The following DSCAM variants were observed in gnomAD, a reference collection of about 807,000 sequenced individuals.
DSCAM encodes the protein DS cell adhesion molecule, also known as cell adhesion molecule DSCAM.
In DSCAM, 47 loss-of-function variants were observed where a neutral mutation model predicts 217.7. That is an observed-to-expected ratio of 0.22 (90% CI 0.17 to 0.28). The LOEUF (loss-of-function observed/expected upper bound fraction) is 0.28. Among genes scored for constraint, DSCAM ranks in the 10% least tolerant of loss-of-function variants. The pLI is 1.00. For synonymous variants in DSCAM, 1,056 were observed against 1,015.3 expected (o/e 1.04, Z -0.76); for missense variants, 2,080 against 2,618.3 (o/e 0.79, Z 4.49).
intron 32 of DSCAM, among the ~76,000 whole-genome samples, chr21:40,039,954 A>G (rs1421534940): frequency 6.6e-6 from 1 of 152,240 alleles, no homozygotes; most frequent in Non-Finnish European, 1.5e-5. Context: ...TGAAGAGGGC[A>G]TATAGGGAAA....
At chr21:40,121,906 G>T (rs111570726) in intron 20 of DSCAM, among the ~76,000 whole-genome samples, 21,186 of 151,794 alleles carry the variant, frequency 0.14, 1,802 homozygotes, top group African/African-American at 0.23. Context: ...GGCCAGGCTG[G>T]TCTCAAACTC....
intron 24 of DSCAM, among the ~76,000 whole-genome samples, chr21:40,080,915 C>A (rs781333874): frequency 1.1e-4 from 16 of 152,210 alleles, no homozygotes; most frequent in Non-Finnish European, 2.4e-4. Flanking sequence ...CATTCCCCCA[C>A]ATGAGCACTA....
intron 3 of DSCAM, among the ~76,000 whole-genome samples, chr21:40,393,323 G>A (rs2075150636): frequency 6.6e-6 from 1 of 152,152 alleles, no homozygotes; most frequent in Admixed American, 6.5e-5. Flanking sequence ...ACAGCTCCAC[G>A]AACAGGGAAT....
intron 16 of DSCAM, among the ~76,000 whole-genome samples, chr21:40,156,098 G>A (rs986004888): frequency 1.3e-5 from 2 of 150,912 alleles, no homozygotes; most frequent in Admixed American, 6.6e-5. Flanking sequence ...ATAAATTAAA[G>A]AATAACTAAG....
At chr21:40,552,552 CTA>C (rs2076639041) in intron 3 of DSCAM, among the ~76,000 whole-genome samples, 2 of 152,212 alleles carry the variant, frequency 1.3e-5, no homozygotes, top group Admixed American at 1.3e-4. Flanking sequence ...CTGAAATCTT[CTA>C]TGTGTTAGAA....
intron 1 of DSCAM, among the ~76,000 whole-genome samples, chr21:40,823,126 G>A (rs929134107): frequency 9.2e-5 from 14 of 151,810 alleles, no homozygotes; most frequent in Non-Finnish European, 1.6e-4. Flanking sequence ...CTCCAGCCAG[G>A]GTGACAAAGC....
At chr21:40,332,548 C>T (rs1021844366) in intron 8 of DSCAM, among the ~76,000 whole-genome samples, 4 of 151,896 alleles carry the variant, frequency 2.6e-5, no homozygotes, top group African/African-American at 9.7e-5. Context: ...AGTGTTGATC[C>T]CCAGCAATTA....
chr21:40,571,291 G>A (rs939114838), intron 3 of DSCAM, among the ~76,000 whole-genome samples: 1 of 151,954 alleles, frequency 6.6e-6, no homozygotes, highest in Non-Finnish European at 1.5e-5. Flanking sequence ...AAAAGCTATA[G>A]AAGAGAGCAA....
intron 8 of DSCAM, among the ~76,000 whole-genome samples, chr21:40,331,352 C>G (rs1196846187): frequency 6.6e-6 from 1 of 152,128 alleles, no homozygotes; most frequent in Admixed American, 6.6e-5. Context: ...ACATTTGTTC[C>G]CAGCCTTTGA....
At chr21:40,359,391 T>G (rs1353139136) in intron 4 of DSCAM, among the ~76,000 whole-genome samples, 1 of 152,224 alleles carries the variant, frequency 6.6e-6, no homozygotes, top group Admixed American at 6.5e-5. Flanking sequence ...TGTGGTATAC[T>G]TGCCAAATAA....
intron 3 of DSCAM, among the ~76,000 whole-genome samples, chr21:40,610,478 G>A (rs752727087): frequency 3.5e-4 from 54 of 152,174 alleles, no homozygotes; most frequent in Non-Finnish European, 6.2e-4. Context: ...CAGAGTAGAA[G>A]CGGCTTCCAG....
chr21:40,837,361 C>A (rs2092065523), intron 1 of DSCAM, among the ~76,000 whole-genome samples: 1 of 152,122 alleles, frequency 6.6e-6, no homozygotes, highest in East Asian at 1.9e-4. Flanking sequence ...GATGTGAGAT[C>A]CCCCAAGACA....
chr21:40,837,098 G>A (rs145960271), intron 1 of DSCAM, among the ~76,000 whole-genome samples: 1 of 152,372 alleles, frequency 6.6e-6, no homozygotes, highest in Non-Finnish European at 1.5e-5. Context: ...TCAGCTTGAA[G>A]TGTCAACAGA....
chr21:40,362,467 T>C (rs1262105872), intron 4 of DSCAM, among the ~76,000 whole-genome samples: 1 of 152,208 alleles, frequency 6.6e-6, no homozygotes, highest in Non-Finnish European at 1.5e-5. Context: ...CACTTCACAT[T>C]GCTTCCACAA....
At chr21:40,658,808 G>A (rs553541194) in intron 3 of DSCAM, among the ~76,000 whole-genome samples, 1 of 152,222 alleles carries the variant, frequency 6.6e-6, no homozygotes, top group East Asian at 1.9e-4. Flanking sequence ...CTCTTATTAT[G>A]TACTTGTAAT....
chr21:40,780,762 G>C (rs1386139469), intron 1 of DSCAM, among the ~76,000 whole-genome samples: 3 of 151,982 alleles, frequency 2.0e-5, no homozygotes, highest in Admixed American at 1.3e-4. Context: ...GTCCAGCTTC[G>C]CTGACACCTT....
rs969395740 is a variant in DSCAM at position 40,132,778 on chromosome 21, G to A, written c.3562+1076C>T. Among the ~76,000 whole-genome samples the A allele has an allele frequency of 1.1e-4, 17 of 152,204 alleles. 1 individual carries two copies. Among genetic ancestry groups the A allele is most frequent in the Admixed American group, 1.1e-3 (17 of 15,270 alleles). ...TCAGGGGCAGAAAGGCTGAAGAGAAGAGCGTATCATGGCCCCTGAGCAGGT... is the reference window on the plus strand; with the variant it reads ...TCAGGGGCAGAAAGGCTGAAGAGAAAAGCGTATCATGGCCCCTGAGCAGGT... On this transcript the variant is annotated intron_variant, in intron 19 of 32. Transcript: ENST00000400454.
At position 40,737,342 on chromosome 21, in the gene DSCAM, TA is replaced by T. The variant is rs537995478; in HGVS notation, c.44-28572del. Among the ~76,000 whole-genome samples, 1,054 of 152,248 alleles carry T rather than the reference TA, an allele frequency of 6.9e-3. 15 individuals are homozygous for T. Among genetic ancestry groups the T allele is most frequent in the African/African-American group, 0.024 (1,005 of 41,550 alleles). On this transcript the variant is annotated intron_variant, in intron 1 of 32. Coordinates refer to ENST00000400454, the MANE Select transcript of DSCAM (RefSeq NM_001389.5). Reference sequence around the variant, plus strand: ...CCCAGTTACTGGAGAGGTTTGCTTTTAAAAACTCAGCAACCGGCCGGACAGT... The same window carrying T: ...CCCAGTTACTGGAGAGGTTTGCTTTTAAAACTCAGCAACCGGCCGGACAGT...
intron 1 of DSCAM, among the ~76,000 whole-genome samples, chr21:40,781,012 A>G (rs1047510038): frequency 1.3e-5 from 2 of 148,902 alleles, no homozygotes; most frequent in African/African-American, 4.9e-5. Context: ...TAATAGTAAC[A>G]TTTTTTTTTT....
Sources: allele counts gnomAD v4.1 joint callset (sites outside exome capture counted in the v4.1 genomes callset), GRCh38; gene constraint gnomAD v4.1.1; transcripts MANE v1.5; gene names NCBI Gene and HGNC (gene_info 2026-07-23, HGNC 2026-07-21).